The following RGS6 variants were observed in gnomAD, a reference collection of about 807,000 sequenced individuals.
RGS6 encodes regulator of G protein signaling 6, also known as regulator of G-protein signaling 6.
Under a neutral mutation model 78.5 loss-of-function variants are expected in RGS6, and 30 were observed. The ratio of observed to expected loss-of-function variants is 0.38; its 90% CI spans 0.29 to 0.52. RGS6 has a LOEUF of 0.52. RGS6 is among the 20% of genes least tolerant of loss of function. The pLI, the probability that RGS6 is intolerant of heterozygous loss-of-function variation, is 0.85. For synonymous variants in RGS6, 206 were observed against 206.0 expected (o/e 1.00, Z 0.00); for missense variants, 495 against 609.7 (o/e 0.81, Z 1.98).
chr14:72,536,758 C>G (rs56363479), intron 16 of RGS6, among the ~76,000 whole-genome samples: 1,755 of 152,242 alleles, frequency 0.012, 32 homozygotes, highest in African/African-American at 0.036. Flanking sequence ...TTCAAGAGCA[C>G]AATCAGGTAC....
At chr14:72,245,732 G>T (rs1483539347) in intron 2 of RGS6, among the ~76,000 whole-genome samples, 1 of 152,122 alleles carries the variant, frequency 6.6e-6, no homozygotes, top group Non-Finnish European at 1.5e-5. Context: ...GCCAGAGTTT[G>T]GGGGGGCTTG....
chr14:72,587,685 A>T, the RGS6 span, among the ~76,000 whole-genome samples: 1 of 152,158 alleles, frequency 6.6e-6, no homozygotes, highest in Non-Finnish European at 1.5e-5. Flanking sequence ...CAGCAGAAAA[A>T]TTCTGCCCCT....
intron 2 of RGS6, among the ~76,000 whole-genome samples, chr14:72,311,495 A>AG (rs897144260): frequency 1.8e-4 from 27 of 152,330 alleles, no homozygotes; most frequent in Admixed American, 1.6e-3. Context: ...TGTAAAAAAA[A>AG]AAAATAATAG....
intron 3 of RGS6, among the ~76,000 whole-genome samples, chr14:72,423,144 C>T (rs544251640): frequency 3.9e-5 from 6 of 152,308 alleles, no homozygotes; most frequent in South Asian, 2.1e-4. Flanking sequence ...CATCCCCTAG[C>T]AGCGTGTTGA....
chr14:72,186,218 T>C (rs372249134), intron 2 of RGS6, among the ~76,000 whole-genome samples: 3 of 152,334 alleles, frequency 2.0e-5, no homozygotes, highest in African/African-American at 7.2e-5. Context: ...CTCACTAAAC[T>C]GAGTCCATGA....
At chr14:71,998,037 G>C (rs899497080) in intron 2 of RGS6, among the ~76,000 whole-genome samples, 2 of 152,160 alleles carry the variant, frequency 1.3e-5, no homozygotes, top group African/African-American at 4.8e-5. Flanking sequence ...TGCTCAAGCT[G>C]GTTGGAATGC....
At chr14:72,497,318 G>T (rs2096658667) in intron 13 of RGS6, among the ~76,000 whole-genome samples, 1 of 152,074 alleles carries the variant, frequency 6.6e-6, no homozygotes, top group Admixed American at 6.5e-5. Flanking sequence ...TTGTTTCCTT[G>T]TTAATATACT....
At chr14:72,360,451 G>C (rs1596261586) in intron 3 of RGS6, among the ~76,000 whole-genome samples, 1 of 151,994 alleles carries the variant, frequency 6.6e-6, no homozygotes, top group African/African-American at 2.4e-5. Flanking sequence ...GAACCCAGGA[G>C]GCAGAGCTTG....
chr14:72,226,686 C>T (rs1354404195), intron 2 of RGS6, among the ~76,000 whole-genome samples: 1 of 152,166 alleles, frequency 6.6e-6, no homozygotes, highest in African/African-American at 2.4e-5. Context: ...CCGGGTGATT[C>T]TTATACACTT....
At chr14:72,327,755 C>T (rs924982140) in intron 2 of RGS6, among the ~76,000 whole-genome samples, 3 of 152,170 alleles carry the variant, frequency 2.0e-5, no homozygotes, top group Non-Finnish European at 2.9e-5. Flanking sequence ...ACTTAGCAGC[C>T]GTTTGTCACT....
chr14:72,200,082 A>G (rs1375725987), intron 2 of RGS6, among the ~76,000 whole-genome samples: 1 of 152,136 alleles, frequency 6.6e-6, no homozygotes. Flanking sequence ...CTCTAAAGTG[A>G]CCTAATTAAT....
intron 1 of RGS6, among the ~76,000 whole-genome samples, chr14:71,963,763 C>G (rs1258672758): frequency 1.3e-5 from 2 of 152,322 alleles, no homozygotes; most frequent in Non-Finnish European, 2.9e-5. Context: ...TCCATTCATG[C>G]ACTGATAGAC....
intron 2 of RGS6, among the ~76,000 whole-genome samples, chr14:72,297,958 A>G (rs2065213331): frequency 6.6e-6 from 1 of 152,002 alleles, no homozygotes; most frequent in Admixed American, 6.6e-5. Flanking sequence ...AATTTTATGT[A>G]TCTACCAGGT....
chr14:72,285,858 T>A (rs746956851), intron 2 of RGS6, among the ~76,000 whole-genome samples: 2 of 152,208 alleles, frequency 1.3e-5, no homozygotes, highest in African/African-American at 2.4e-5. Flanking sequence ...TTTAAATTTG[T>A]TTATTTTCTT....
rs373282149 is a variant in RGS6 at position 72,352,152 on chromosome 14, A to C, written c.142A>C (p.Thr48Pro). The change falls in exon 3 of 18, where the codon ACA (threonine) becomes CCA (proline). Residue 48 changes from threonine to proline, a missense_variant. Coordinates refer to ENST00000553525, the MANE Select transcript of RGS6 (RefSeq NM_001204424.2). ...CAAGACAGGGGGTGTGCCCATCAGA[A>C]CAGTCAAGAGCTTTCTCTCCAAAAT... ...DDKTGGVPIRTVKSFLSKIPS... is the reference protein window; with the variant it reads ...DDKTGGVPIRPVKSFLSKIPS... The C allele has an allele frequency of 6.2e-7, 1 of 1,613,556 alleles. No individual in the cohort carries two copies. The highest frequency in any genetic ancestry group is 1.3e-5 in the African/African-American group (1 of 74,940).
chr14:72,048,049 G>A (rs1305292039), intron 2 of RGS6, among the ~76,000 whole-genome samples: 1 of 151,992 alleles, frequency 6.6e-6, no homozygotes, highest in East Asian at 1.9e-4. Flanking sequence ...ACCTGGATGA[G>A]CATCTTATGT....
chr14:71,933,412 G>A (rs2088229423), intron 1 of RGS6: 1 of 152,192 alleles, frequency 6.6e-6, no homozygotes, highest in East Asian at 1.9e-4. Context: ...GAGGTGTGGA[G>A]GGCAGGGGCG....
At chr14:72,296,878 T>C (rs544963992) in intron 2 of RGS6, among the ~76,000 whole-genome samples, 1 of 152,344 alleles carries the variant, frequency 6.6e-6, no homozygotes, top group East Asian at 1.9e-4. Flanking sequence ...ATTTATCTTA[T>C]ATTTTCTTCT....
rs1365213709 is a variant in RGS6, at chr14:72,052,979, TTCTTTC to T, written c.84+88108_84+88113del. ...TTTCTTTCTTTCTTTCTTTCTTTCTTTCTTTCTCTCTCTCTCTCTCTCTCTCTTTCT... is the reference window on the plus strand; with the variant it reads ...TTTCTTTCTTTCTTTCTTTCTTTCTTTCTCTCTCTCTCTCTCTCTCTTTCT... On this transcript the variant is annotated intron_variant, in intron 2 of 17. Transcript: ENST00000553525. 7.9e-3 allele frequency among the ~76,000 whole-genome samples: 422 copies of T among 53,662 alleles called. 2 individuals carry two copies. Among genetic ancestry groups the T allele is most frequent in the African/African-American group, 0.027 (266 of 10,000 alleles). 35.2% of individuals were successfully genotyped at this position (53,662 alleles called of 152,430 possible).
Sources: allele counts gnomAD v4.1 joint callset (sites outside exome capture counted in the v4.1 genomes callset), GRCh38; gene constraint gnomAD v4.1.1; transcripts MANE v1.5; gene names NCBI Gene and HGNC (gene_info 2026-07-23, HGNC 2026-07-21).